Variants in THSD4 observed in about 807,000 individuals in gnomAD.
THSD4 encodes thrombospondin type-1 domain-containing protein 4.
Under a neutral mutation model 119.0 loss-of-function variants are expected in THSD4, and 69 were observed. The observed-to-expected ratio is 0.58, with a 90% CI of 0.48 to 0.71. The LOEUF (loss-of-function observed/expected upper bound fraction) is 0.71, where lower values mean the gene tolerates loss of function less well. Among genes scored for constraint, THSD4 ranks in the 30% least tolerant of loss-of-function variants. THSD4 has a pLI of 0.00. For missense variants in THSD4, 1,393 were observed against 1,391.1 expected, an observed-to-expected ratio of 1.00 and a Z score of -0.02; for synonymous variants, 524 against 540.4, an observed-to-expected ratio of 0.97 and a Z score of 0.42.
At chr15:71,639,539 A>C (rs578102978) in intron 7 of THSD4, among the ~76,000 whole-genome samples, 1 of 152,284 alleles carries the variant, frequency 6.6e-6, no homozygotes, top group African/African-American at 2.4e-5. Flanking sequence ...TTAATTCAAG[A>C]ATTATTCTCA....
intron 6 of THSD4, 133 bp downstream of exon 6, chr15:71,256,848 G>C (rs2044323830): frequency 2.7e-6 from 2 of 747,818 alleles, no homozygotes; most frequent in Admixed American, 5.7e-5. Context: ...TGTGACTCCA[G>C]GGCAAAGAGA....
rs575537073 is a variant in THSD4 at position 71,491,454 on chromosome 15, C to A, written c.1152+79631C>A. ...AGAGAGAGACCTAAGCTAGCACGCT[C>A]AGCCCCCTCACCACATGATACCTTG... On this transcript the variant is annotated intron_variant, in intron 7 of 17. Coordinates refer to ENST00000261862, the MANE Select transcript of THSD4 (RefSeq NM_024817.3). Among the ~76,000 whole-genome samples the A allele has an allele frequency of 5.5e-4, 84 of 152,334 alleles. 5 individuals are homozygous for A. The South Asian group carries it at 0.017, about 32-fold the overall frequency.
At position 71,215,301 on chromosome 15, in the gene THSD4, A is replaced by C. The variant is rs1225526281; in HGVS notation, c.366A>C (p.Pro122=). The C allele has an allele frequency of 7.2e-6, 11 of 1,524,782 alleles. No homozygotes were observed. Among genetic ancestry groups the C allele is most frequent in the African/African-American group, 1.4e-5 (1 of 71,712 alleles). 94.5% of individuals were successfully genotyped at this position (1,524,782 alleles called of 1,614,324 possible). A position where few individuals can be genotyped will look rare whatever the true frequency, so the allele number is the denominator to read the frequency against. The change falls in exon 4 of 18, where the codon CCA becomes CCC. Residue 122 remains proline, a synonymous_variant. Coordinates refer to ENST00000261862, the MANE Select transcript of THSD4 (RefSeq NM_024817.3). The stretch of plus-strand genomic sequence containing the variant: ...TGCACCGGAGCCGCGACGAGACGCC[A>C]GCGCTGGCCGGTACGGACGCCAGCC... ...VPLHRSRDET[P]ALAGTDASRQ... is the part of the protein sequence containing the mutation.
chr15:71,163,091 A>G (rs1319638190), intron 3 of THSD4, among the ~76,000 whole-genome samples: 1 of 151,900 alleles, frequency 6.6e-6, no homozygotes, highest in Non-Finnish European at 1.5e-5. Context: ...AATTTCCTTA[A>G]AATCATTATT....
intron 8 of THSD4, among the ~76,000 whole-genome samples, chr15:71,681,598 C>T (rs902827112): frequency 5.5e-5 from 8 of 145,716 alleles, no homozygotes; most frequent in Admixed American, 2.1e-4. Flanking sequence ...TCGATTGAAC[C>T]GGGGGGGTGG....
At position 71,500,103 on chromosome 15, in the gene THSD4, T is replaced by C. The variant is rs182298713; in HGVS notation, c.1152+88280T>C. Reference sequence around the variant, plus strand: ...CACCATTTTACATTCCCACTAACAGTGTACATGGGTTCCAATTTCTCCACA... The same window carrying C: ...CACCATTTTACATTCCCACTAACAGCGTACATGGGTTCCAATTTCTCCACA... On this transcript the variant is annotated intron_variant, in intron 7 of 17. Transcript: ENST00000261862. Among the ~76,000 whole-genome samples, 11 of 152,342 alleles carry C rather than the reference T, an allele frequency of 7.2e-5. No individual in the cohort carries two copies. The East Asian group carries it at 2.1e-3, about 29-fold the overall frequency.
intron 7 of THSD4, among the ~76,000 whole-genome samples, chr15:71,596,487 T>G (rs1246291435): frequency 6.6e-6 from 1 of 152,226 alleles, no homozygotes; most frequent in Non-Finnish European, 1.5e-5. Flanking sequence ...CTAAGAGTTT[T>G]GTATTTTATA....
intron 8 of THSD4, among the ~76,000 whole-genome samples, chr15:71,670,232 T>TC (rs1363950384): frequency 6.6e-6 from 1 of 151,448 alleles, no homozygotes; most frequent in Admixed American, 6.6e-5. Flanking sequence ...CCCTCCCCTA[T>TC]CCCCCACCCC....
intron 7 of THSD4, among the ~76,000 whole-genome samples, chr15:71,447,240 C>T (rs1469441357): frequency 6.6e-6 from 1 of 150,864 alleles, no homozygotes; most frequent in East Asian, 2.0e-4. Flanking sequence ...CCTGCCTCAG[C>T]CTCCCTAGTA....
At chr15:71,718,983 T>G (rs1486192080) in intron 8 of THSD4, among the ~76,000 whole-genome samples, 2 of 152,236 alleles carry the variant, frequency 1.3e-5, no homozygotes, top group Non-Finnish European at 2.9e-5. Context: ...GTTTATTTTC[T>G]TATTATACCA....
intron 3 of THSD4, among the ~76,000 whole-genome samples, chr15:71,190,998 C>T (rs1405572043): frequency 1.3e-5 from 2 of 152,162 alleles, no homozygotes; most frequent in East Asian, 3.8e-4. Flanking sequence ...ACCAACACAC[C>T]CTAAACAGCA....
At chr15:71,555,069 T>G (rs1391764796) in intron 7 of THSD4, among the ~76,000 whole-genome samples, 1 of 152,112 alleles carries the variant, frequency 6.6e-6, no homozygotes, top group Non-Finnish European at 1.5e-5. Context: ...TAATCACAGG[T>G]GTATGTGTGT....
intron 4 of THSD4, 99 bp from the exon 5 acceptor site, chr15:71,242,550 C>T (rs1302170212): frequency 9.2e-6 from 12 of 1,310,536 alleles, no homozygotes; most frequent in Admixed American, 6.2e-5. Context: ...CCCAAGCTTC[C>T]GTTCCTACCT....
At chr15:71,124,354 T>G (rs1484661434) in intron 1 of THSD4, among the ~76,000 whole-genome samples, 1 of 152,244 alleles carries the variant, frequency 6.6e-6, no homozygotes, top group African/African-American at 2.4e-5. Context: ...TTTCTTGATT[T>G]TTATTCAATC....
rs758338119 is a variant in THSD4 at position 71,141,577 on chromosome 15, TA to T, written c.29+28del. The T allele has an allele frequency of 5.0e-6, 8 of 1,602,042 alleles. No individual in the cohort carries two copies. The South Asian group carries it at 5.7e-5, about 11-fold the overall frequency. ...CTCAGGTAAGTGAAGAAACTTTTTT[TA>T]AAAAAACAGGAGAATAAGAAATTTG... On this transcript the variant is annotated intron_variant, in intron 2 of 17. Coordinates refer to ENST00000261862, the MANE Select transcript of THSD4 (RefSeq NM_024817.3).
At chr15:71,503,979 G>A (rs550166049) in intron 7 of THSD4, among the ~76,000 whole-genome samples, 138 of 152,280 alleles carry the variant, frequency 9.1e-4, no homozygotes, top group African/African-American at 3.2e-3. Context: ...CACTCTTCAC[G>A]CAGATAGTCT....
At chr15:71,296,290 C>A (rs193186912) in intron 6 of THSD4, among the ~76,000 whole-genome samples, 125 of 152,272 alleles carry the variant, frequency 8.2e-4, no homozygotes, top group African/African-American at 2.7e-3. Flanking sequence ...ATAAGGGTTA[C>A]CCTCTGGAGA....
intron 5 of THSD4, among the ~76,000 whole-genome samples, chr15:71,243,881 T>G (rs1337203757): frequency 4.1e-5 from 6 of 146,034 alleles, no homozygotes; most frequent in Admixed American, 1.5e-4. Flanking sequence ...GCCTCCCAGG[T>G]TCAAGCAATT....
chr15:71,427,483 G>A (rs1262280172), intron 7 of THSD4, among the ~76,000 whole-genome samples: 1 of 151,566 alleles, frequency 6.6e-6, no homozygotes, highest in African/African-American at 2.4e-5. Flanking sequence ...CACATTAAAT[G>A]GAATGTTAGG....
Sources: gnomAD v4.1 joint callset for allele counts (sites outside exome capture counted in the v4.1 genomes callset) on GRCh38, gnomAD v4.1.1 for gene constraint, MANE v1.5 for transcripts, NCBI Gene and HGNC (gene_info 2026-07-23, HGNC 2026-07-21) for gene names.